Variants in ASB9 observed in about 807,000 individuals in gnomAD.
The protein encoded by ASB9 is ankyrin repeat and SOCS box containing 9, also known as ankyrin repeat and SOCS box protein 9.
In ASB9, 5 loss-of-function variants were observed where a neutral mutation model predicts 16.6. The ratio of observed to expected loss-of-function variants is 0.30; its 90% confidence interval spans 0.16 to 0.63. The LOEUF (loss-of-function observed/expected upper bound fraction) is 0.63. Ranked by LOEUF, ASB9 falls within the 30% of genes least tolerant of loss-of-function variation. The pLI, the probability that ASB9 is intolerant of heterozygous loss-of-function variation, is 0.82. For missense variants in ASB9, 216 were observed against 229.4 expected, an observed-to-expected ratio of 0.94 and a Z score of 0.38; for synonymous variants, 100 against 86.4, an observed-to-expected ratio of 1.16 and a Z score of -0.87.
At chrX:15,252,152 G>T in intron 4 of ASB9, 102 bp downstream of exon 4, 1 of 939,453 alleles carries the variant, frequency 1.1e-6, no homozygotes, top group South Asian at 2.7e-5. Context: ...ACTCCATTTT[G>T]AGAACTACTG....
At chrX:15,266,935 CAAAAAAAA>C (rs34454817) in intron 1 of ASB9, among the ~76,000 whole-genome samples, 1 of 78,427 alleles carries the variant, frequency 1.3e-5, no homozygotes, top group African/African-American at 4.7e-5. Flanking sequence ...GACTCCATCT[CAAAAAAAA>C]AAAAAAAAAA....
At chrX:15,251,376 G>A (rs1925106496) in intron 4 of ASB9, among the ~76,000 whole-genome samples, 1 of 111,994 alleles carries the variant, frequency 8.9e-6, no homozygotes, top group Non-Finnish European at 1.9e-5. Flanking sequence ...ACATGAGCAG[G>A]GCCCAATCTG....
intron 1 of ASB9, among the ~76,000 whole-genome samples, chrX:15,266,588 G>A (rs112155166): frequency 1.3e-3 from 143 of 111,686 alleles, no homozygotes; most frequent in African/African-American, 3.1e-3. Context: ...ATGCCTTTGC[G>A]TATAACACCT....
At chrX:15,256,544 G>A (rs1339618644) in intron 2 of ASB9, among the ~76,000 whole-genome samples, 5 of 107,063 alleles carry the variant, frequency 4.7e-5, no homozygotes, top group African/African-American at 1.7e-4. Flanking sequence ...TTGGGAGGCC[G>A]AGGCAGGCGG....
At chrX:15,259,035 C>T in intron 1 of ASB9, 90 bp from the exon 2 acceptor site, 1 of 636,746 alleles carries the variant, frequency 1.6e-6, no homozygotes, top group Non-Finnish European at 2.4e-6. Context: ...CCTAACAGGC[C>T]CTGGATGGAG....
In ASB9 at chrX:15,269,884, T is replaced by G. The variant is rs188977458; in HGVS notation, c.-10A>C. The G allele has an allele frequency of 2.3e-3, 2,699 of 1,188,140 alleles. 5 individuals carry two copies. The highest frequency in any genetic ancestry group is 2.6e-3 in the Non-Finnish European group (2,330 of 880,550). ...CTTGTTTGCCATCCATGATGCTCTC[T>G]CCTAAGCGAGCAAGCTCTGCGCTCC... is the stretch of plus-strand genomic sequence containing the variant. On this transcript the variant is annotated 5_prime_UTR_variant, in exon 1 of 7. Coordinates refer to ENST00000380488, the MANE Select transcript of ASB9 (RefSeq NM_001031739.3).
At chrX:15,262,419 C>G (rs761088125) in intron 1 of ASB9, among the ~76,000 whole-genome samples, 2 of 111,932 alleles carry the variant, frequency 1.8e-5, no homozygotes, top group Admixed American at 1.9e-4. Context: ...GCTTCCCCTT[C>G]TAACATAAAG....
intron 4 of ASB9, 70 bp downstream of exon 4, chrX:15,252,180 TTTTC>T (rs910981002): frequency 6.1e-5 from 64 of 1,052,846 alleles, no homozygotes; most frequent in Middle Eastern, 3.7e-4. Context: ...ATATATCTCC[TTTTC>T]TTTCTTTCTT....
At chrX:15,269,641 T>G (rs141497650) in intron 1 of ASB9, 140 bp downstream of exon 1, 3,930 of 377,925 alleles carry the variant, frequency 0.01, 142 homozygotes, top group African/African-American at 0.091. Flanking sequence ...GTAAAGAATA[T>G]ATACCAGTGA....
chrX:15,267,569 C>T (rs1397058636), intron 1 of ASB9, among the ~76,000 whole-genome samples: 8 of 87,452 alleles, frequency 9.1e-5, no homozygotes. Context: ...ATGGTGAAAC[C>T]CCGTCTCTAC....
chrX:15,269,843 C>T lies in ASB9; in HGVS notation c.32G>A (p.Ser11Asn), dbSNP rs769733842. Reference sequence around the variant, plus strand: ...AAAGTCCCTTGGCCCCGCGGGCTTGCTCCCATCCATGCCCCCTTGTTTGCC... The same window carrying T: ...AAAGTCCCTTGGCCCCGCGGGCTTGTTCCCATCCATGCCCCCTTGTTTGCC... MDGKQGGMDGSKPAGPRDFPG... is the reference protein window; with the variant it reads MDGKQGGMDGNKPAGPRDFPG... The change falls in exon 1 of 7, where the codon AGC becomes AAC. Residue 11 changes from serine (S) to asparagine (N), a missense_variant. Physicochemically the swap from Ser to Asn is conservative, Grantham distance 46. Coordinates refer to ENST00000380488, the MANE Select transcript of ASB9 (RefSeq NM_001031739.3). The T allele has an allele frequency of 5.0e-6, 6 of 1,205,775 alleles. No individual in the cohort carries two copies. The Admixed American group carries it at 6.6e-5, about 13-fold the overall frequency.
At chrX:15,257,905 T>A (rs1307676637) in intron 2 of ASB9, among the ~76,000 whole-genome samples, 1 of 111,629 alleles carries the variant, frequency 9.0e-6, no homozygotes, top group Admixed American at 9.6e-5. Flanking sequence ...TGTCCTGCTG[T>A]GCTCCAGCGT....
In ASB9 at chrX:15,248,816, C is replaced by T; in HGVS notation, c.688G>A (p.Ala230Thr). ...DFGADTQAKNAEGKRPVELVP... is the reference protein window; with the variant it reads ...DFGADTQAKNTEGKRPVELVP... The stretch of plus-strand genomic sequence containing the variant: ...AGCTCCACAGGACGTTTGCCTTCAG[C>T]ATTCTTGGCCTGGGTGTCCGCTCCA... Residue 230 changes from alanine to threonine, a missense_variant, in exon 6 of 7, where the codon GCT becomes ACT. By Grantham distance (58) the Ala-to-Thr change is moderately conservative. Coordinates refer to ENST00000380488, the MANE Select transcript of ASB9 (RefSeq NM_001031739.3). The T allele has an allele frequency of 2.5e-6, 3 of 1,211,868 alleles. No homozygotes were observed. Among genetic ancestry groups the T allele is most frequent in the East Asian group, 3.0e-5 (1 of 33,857 alleles).
intron 1 of ASB9, among the ~76,000 whole-genome samples, chrX:15,264,203 C>T (rs1419532797): frequency 1.8e-5 from 2 of 111,095 alleles, no homozygotes; most frequent in Admixed American, 9.6e-5. Context: ...CTAGATGTGT[C>T]ACTCCTATCT....
chrX:15,246,822 G>A (rs905056663), intron 6 of ASB9, among the ~76,000 whole-genome samples: 3 of 111,537 alleles, frequency 2.7e-5, no homozygotes, highest in Non-Finnish European at 5.6e-5. Context: ...CTGGGTGAGG[G>A]GGGATGGGGG....
chrX:15,257,409 A>AAT (rs1925659729), intron 2 of ASB9, among the ~76,000 whole-genome samples: 1 of 110,003 alleles, frequency 9.1e-6, no homozygotes, highest in South Asian at 3.8e-4. Context: ...CATCTCAAAA[A>AAT]AATAATAATA....
At position 15,260,283 on chromosome X, in the gene ASB9, A is replaced by C. The variant is rs772796629; in HGVS notation, c.95-1338T>G. 5.4e-5 allele frequency among the ~76,000 whole-genome samples: 6 copies of C among 111,755 alleles called. No homozygotes were observed. In the South Asian group the frequency reaches 2.3e-3, roughly 42 times the overall value. ...TGTGGTGGCTCACGCCTATAATCCC[A>C]GCTAGTCGGGAGGCTGAGGCGGGAG... On this transcript the variant is annotated intron_variant, in intron 1 of 6. Coordinates refer to ENST00000380488, the MANE Select transcript of ASB9 (RefSeq NM_001031739.3).
Position 15,248,950 on chromosome X carries a change from G to A in ASB9, c.569-15C>T, listed in dbSNP as rs1391706128. On this transcript the variant is annotated splice_polypyrimidine_tract_variant and intron_variant, in intron 5 of 6. Coordinates refer to ENST00000380488, the MANE Select transcript of ASB9 (RefSeq NM_001031739.3). ...CACGTCCGCTCCTAAACAGTCACGAGAACAAAAAAGAGTCAGCAAGGAGCA... is the reference window on the plus strand; with the variant it reads ...CACGTCCGCTCCTAAACAGTCACGAAAACAAAAAAGAGTCAGCAAGGAGCA... 1.8e-5 allele frequency: 21 copies of A among 1,137,960 alleles called. No individual in the cohort carries two copies. Among genetic ancestry groups the A allele is most frequent in the South Asian group, 4.5e-5 (2 of 44,845 alleles). 93.8% of individuals were successfully genotyped at this position (1,137,960 alleles called of 1,213,427 possible).
At position 15,250,290 on chromosome X, in the gene ASB9, G is replaced by A. The variant is rs961070851; in HGVS notation, c.568+140C>T. ...AAACAGTGTGAAATAATTCCCCAAG[G>A]GAACACAGTCAATATGAACCCTGAC... is the stretch of plus-strand genomic sequence containing the variant. On this transcript the variant is annotated intron_variant, in intron 5 of 6. Coordinates refer to ENST00000380488, the MANE Select transcript of ASB9 (RefSeq NM_001031739.3). 9.4e-6 allele frequency: 6 copies of A among 637,998 alleles called. No homozygotes were observed. In the East Asian group the frequency reaches 1.1e-4, roughly 12 times the overall value. 52.6% of individuals were successfully genotyped at this position (637,998 alleles called of 1,213,427 possible).
Sources: allele counts gnomAD v4.1 joint callset (sites outside exome capture counted in the v4.1 genomes callset), GRCh38; gene constraint gnomAD v4.1.1; transcripts MANE v1.5; gene names NCBI Gene and HGNC (gene_info 2026-07-23, HGNC 2026-07-21).